RHOBTB1: variants seen among roughly 807,000 people sequenced by gnomAD.
RHOBTB1 encodes the protein Rho related BTB domain containing 1, also known as rho-related BTB domain-containing protein 1.
Under a neutral mutation model 71.6 loss-of-function variants are expected in RHOBTB1, and 40 were observed. The observed-to-expected ratio is 0.56, with a 90% CI of 0.43 to 0.73. The LOEUF (loss-of-function observed/expected upper bound fraction) is 0.73, where lower values mean the gene tolerates loss of function less well. Among genes scored for constraint, RHOBTB1 ranks in the 30% least tolerant of loss-of-function variants. The probability of loss-of-function intolerance (pLI) is 0.00; values close to 1 mark genes in which losing one functional copy is unlikely to be tolerated. For synonymous variants in RHOBTB1, 319 were observed against 334.9 expected (o/e 0.95, Z 0.52); for missense variants, 797 against 894.0 (o/e 0.89, Z 1.38).
At chr10:60,943,793 G>A (rs185534117) in intron 1 of RHOBTB1, among the ~76,000 whole-genome samples, 178 bp downstream of exon 1, 45 of 152,078 alleles carry the variant, frequency 3.0e-4, no homozygotes, top group Admixed American at 8.5e-4. Flanking sequence ...GCCTCTCAGA[G>A]AGGCGAGGGA....
At chr10:60,908,486 A>G (rs2082795835) in intron 4 of RHOBTB1, among the ~76,000 whole-genome samples, 1 of 152,234 alleles carries the variant, frequency 6.6e-6, no homozygotes, top group Non-Finnish European at 1.5e-5. Context: ...CAAACCAAAC[A>G]AGTTTTGCAA....
chr10:60,908,324 G>T (rs2082785731), intron 4 of RHOBTB1, among the ~76,000 whole-genome samples: 1 of 152,204 alleles, frequency 6.6e-6, no homozygotes, highest in Non-Finnish European at 1.5e-5. Flanking sequence ...GTCACCACAA[G>T]AATCAAATTA....
chr10:60,941,353 T>C (rs943358801), intron 2 of RHOBTB1, among the ~76,000 whole-genome samples: 9 of 152,186 alleles, frequency 5.9e-5, no homozygotes, highest in Non-Finnish European at 1.2e-4. Flanking sequence ...ATTTTTTTTT[T>C]CTTTCTGAAG....
At chr10:60,968,830 T>C (rs2086058918) in intron 2 of RHOBTB1, among the ~76,000 whole-genome samples, 1 of 152,042 alleles carries the variant, frequency 6.6e-6, no homozygotes, top group African/African-American at 2.4e-5. Flanking sequence ...CGCCAAGGCA[T>C]CACATGGCAT....
At chr10:60,886,035 G>A (rs2132549432) in intron 7 of RHOBTB1, 77 bp downstream of exon 7, 1 of 1,068,394 alleles carries the variant, frequency 9.4e-7, no homozygotes, top group East Asian at 2.4e-5. Flanking sequence ...TCATCTGGCT[G>A]TTTACCCACT....
intron 7 of RHOBTB1, among the ~76,000 whole-genome samples, chr10:60,884,765 T>C (rs1490932950): frequency 5.3e-5 from 8 of 152,166 alleles, no homozygotes; most frequent in Non-Finnish European, 7.4e-5. Context: ...ATTGCACTTA[T>C]ATGTGGAATC....
chr10:60,886,658 A>G (rs2081591079), intron 6 of RHOBTB1, among the ~76,000 whole-genome samples: 1 of 149,398 alleles, frequency 6.7e-6, no homozygotes, highest in African/African-American at 2.5e-5. Context: ...CATTTATAAT[A>G]TGCTCTACTC....
chr10:60,886,061 G>T, intron 7 of RHOBTB1, 51 bp downstream of exon 7: 1 of 1,325,118 alleles, frequency 7.5e-7, no homozygotes, highest in Non-Finnish European at 1.1e-6. Context: ...TAAATACACA[G>T]GCACACATAC....
chr10:60,912,059 G>T (rs2083003405), intron 2 of RHOBTB1, among the ~76,000 whole-genome samples: 1 of 152,062 alleles, frequency 6.6e-6, no homozygotes, highest in South Asian at 2.1e-4. Context: ...ACTGTTATGG[G>T]GACTTAGAGA....
chr10:60,934,100 A>G (rs2084424627), intron 2 of RHOBTB1, among the ~76,000 whole-genome samples: 1 of 152,234 alleles, frequency 6.6e-6, no homozygotes, highest in Non-Finnish European at 1.5e-5. Flanking sequence ...TTTACAAAAA[A>G]GAGGGCAAGG....
chr10:60,923,740 T>C (rs2133799356), intron 2 of RHOBTB1, among the ~76,000 whole-genome samples: 1 of 152,356 alleles, frequency 6.6e-6, no homozygotes, highest in South Asian at 2.1e-4. Context: ...TACTCCATAC[T>C]GTTCTCGGGA....
chr10:60,917,431 C>G (rs1250865930), intron 2 of RHOBTB1, among the ~76,000 whole-genome samples: 37 of 152,174 alleles, frequency 2.4e-4, no homozygotes, highest in Admixed American at 2.4e-3. Context: ...GACTAGGTGG[C>G]TTAGCCAACA....
intron 1 of RHOBTB1, among the ~76,000 whole-genome samples, chr10:60,996,186 A>T (rs1039440937): frequency 5.9e-5 from 9 of 152,036 alleles, no homozygotes; most frequent in Non-Finnish European, 1.0e-4. Flanking sequence ...CTTTAGTTTG[A>T]TCATGTTCTC....
intron 4 of RHOBTB1, among the ~76,000 whole-genome samples, chr10:60,904,804 C>T (rs993306181): frequency 2.0e-5 from 3 of 152,220 alleles, no homozygotes; most frequent in Admixed American, 2.0e-4. Context: ...CTATTTCTAT[C>T]TCTTGGTTCA....
downstream of RHOBTB1, among the ~76,000 whole-genome samples, chr10:60,868,821 A>G (rs1231400800): frequency 1.3e-5 from 2 of 152,218 alleles, no homozygotes; most frequent in African/African-American, 4.8e-5. Flanking sequence ...CATGATTGGG[A>G]CCATCCACCT....
intron 4 of RHOBTB1, among the ~76,000 whole-genome samples, chr10:60,901,339 C>T (rs968187704): frequency 3.9e-5 from 6 of 152,138 alleles, no homozygotes; most frequent in African/African-American, 1.4e-4. Context: ...TTAAGATTCA[C>T]TAAGGAAAAT....
intron 2 of RHOBTB1, among the ~76,000 whole-genome samples, chr10:60,930,924 G>A (rs1350179453): frequency 6.6e-6 from 1 of 152,044 alleles, no homozygotes; most frequent in Non-Finnish European, 1.5e-5. Context: ...CTTTTTTAAG[G>A]GGGTTGGGTT....
chr10:60,924,822 A>T (rs997837017), intron 2 of RHOBTB1, among the ~76,000 whole-genome samples: 2 of 152,230 alleles, frequency 1.3e-5, no homozygotes, highest in Non-Finnish European at 1.5e-5. Context: ...AAAACTAGAA[A>T]TCAATAACAA....
At chr10:60,927,389 T>C (rs1245793192) in intron 2 of RHOBTB1, among the ~76,000 whole-genome samples, 1 of 152,050 alleles carries the variant, frequency 6.6e-6, no homozygotes, top group Non-Finnish European at 1.5e-5. Context: ...AAGTTGACAC[T>C]CAGTATTAAC....
Sources: allele counts gnomAD v4.1 joint callset (sites outside exome capture counted in the v4.1 genomes callset), GRCh38; gene constraint gnomAD v4.1.1; transcripts MANE v1.5; gene names NCBI Gene and HGNC (gene_info 2026-07-23, HGNC 2026-07-21).